Variants in SBF2 observed in about 807,000 individuals in gnomAD.
The protein encoded by SBF2 is myotubularin-related protein 13.
A neutral mutation model predicts 225.2 loss-of-function variants in SBF2; 112 were observed. The ratio of observed to expected loss-of-function variants is 0.50; its 90% CI spans 0.43 to 0.58. SBF2 has a LOEUF of 0.58. Ranked by LOEUF, SBF2 falls within the 20% of genes least tolerant of loss-of-function variation. The probability of loss-of-function intolerance (pLI) is 0.00; values close to 1 mark genes in which losing one functional copy is unlikely to be tolerated. For missense variants in SBF2, 1,996 were observed against 2,206.2 expected (o/e 0.90, Z 1.91); for synonymous variants, 763 against 773.3 (o/e 0.99, Z 0.22).
At chr11:10,151,081 G>A (rs187491144) in intron 2 of SBF2, among the ~76,000 whole-genome samples, 1 of 152,268 alleles carries the variant, frequency 6.6e-6, no homozygotes, top group Non-Finnish European at 1.5e-5. Flanking sequence ...TATTTCCCTT[G>A]GAGAACATGT....
At chr11:10,149,491 C>A in intron 2 of SBF2, 1 of 152,188 alleles carries the variant, frequency 6.6e-6, no homozygotes, top group African/African-American at 2.4e-5. Flanking sequence ...AATGAACACA[C>A]ACTACTAACA....
At chr11:10,175,074 C>G (rs2135263522) in intron 2 of SBF2, among the ~76,000 whole-genome samples, 1 of 151,872 alleles carries the variant, frequency 6.6e-6, no homozygotes, top group Admixed American at 6.6e-5. Flanking sequence ...AATGTAAAGA[C>G]CATCGAGACT....
intron 1 of SBF2, among the ~76,000 whole-genome samples, chr11:10,225,607 C>G (rs948111463): frequency 6.6e-6 from 1 of 152,060 alleles, no homozygotes; most frequent in African/African-American, 2.4e-5. Flanking sequence ...AGATGACACA[C>G]CATTTTCAAA....
rs919052775 is a variant in SBF2, at chr11:9,872,708, C to T, written c.1930-14312G>A. Among the ~76,000 whole-genome samples the T allele has an allele frequency of 2.6e-5, 4 of 151,962 alleles. No individual in the cohort carries two copies. The East Asian group carries it at 7.7e-4, about 29-fold the overall frequency. On this transcript the variant is annotated intron_variant, in intron 17 of 39. Transcript: ENST00000256190. ...CACTGCTGAAAAGAATATAAAATGG[C>T]AGTACTATGGAAAAAATGTATTTTT... is the stretch of plus-strand genomic sequence containing the variant.
chr11:10,147,913 A>G (rs1393667553), intron 2 of SBF2, among the ~76,000 whole-genome samples: 1 of 152,156 alleles, frequency 6.6e-6, no homozygotes, highest in African/African-American at 2.4e-5. Context: ...GTTACTTATA[A>G]ATGTTCTCAG....
At chr11:9,880,364 A>G (rs1222049887) in intron 17 of SBF2, among the ~76,000 whole-genome samples, 1 of 152,204 alleles carries the variant, frequency 6.6e-6, no homozygotes, top group Non-Finnish European at 1.5e-5. Context: ...GCTTCTTTTG[A>G]AAAGCCTAAA....
At position 9,846,230 on chromosome 11, in the gene SBF2, G is replaced by C. The variant is rs116165225; in HGVS notation, c.2935-490C>G. Among the ~76,000 whole-genome samples the C allele has an allele frequency of 3.0e-3, 457 of 152,320 alleles. 2 individuals are homozygous for C. Among genetic ancestry groups the C allele is most frequent in the African/African-American group, 0.011 (449 of 41,574 alleles). On this transcript the variant is annotated intron_variant, in intron 23 of 39. Coordinates refer to ENST00000256190, the MANE Select transcript of SBF2 (RefSeq NM_030962.4). ...CAGCCAATGCTTTCAGGTGATGAGA[G>C]AAGGTCTGGAGCCTAAAGATCAGCA...
chr11:9,889,889 CTATT>C (rs961403580), intron 17 of SBF2, among the ~76,000 whole-genome samples: 2 of 151,978 alleles, frequency 1.3e-5, no homozygotes, highest in African/African-American at 2.4e-5. Context: ...AATGTTCTAC[CTATT>C]TATTTATTTA....
chr11:9,928,991 T>C (rs1003891277), intron 16 of SBF2: 5 of 483,152 alleles, frequency 1.0e-5, no homozygotes, highest in Non-Finnish European at 2.0e-5. Flanking sequence ...ACATCAACAA[T>C]GCATTTGGCC....
intron 13 of SBF2, among the ~76,000 whole-genome samples, chr11:9,982,600 T>C (rs769323783): frequency 2.8e-4 from 42 of 152,288 alleles, no homozygotes; most frequent in South Asian, 8.3e-4. Context: ...CAGGACTAGA[T>C]TGCAGCTCCA....
At chr11:10,158,095 C>T (rs1955559463) in intron 2 of SBF2, among the ~76,000 whole-genome samples, 1 of 151,532 alleles carries the variant, frequency 6.6e-6, no homozygotes, top group Non-Finnish European at 1.5e-5. Flanking sequence ...ACCAATGTAT[C>T]GAAGAATAAA....
chr11:9,994,973 GT>G (rs1180830742), intron 9 of SBF2, among the ~76,000 whole-genome samples: 1 of 151,226 alleles, frequency 6.6e-6, no homozygotes, highest in East Asian at 2.0e-4. Context: ...GGAGGCAGAG[GT>G]TGCAGTGAGC....
chr11:9,988,441 AG>A (rs1336194092), intron 13 of SBF2, among the ~76,000 whole-genome samples: 1 of 152,204 alleles, frequency 6.6e-6, no homozygotes. Context: ...GCACAGCAAA[AG>A]GAACAGTCAG....
At chr11:9,960,269 T>G (rs1320782778) in intron 16 of SBF2, 4 of 152,290 alleles carry the variant, frequency 2.6e-5, no homozygotes, top group African/African-American at 9.6e-5. Context: ...GTAGTCAAAT[T>G]TATCAATCTT....
At chr11:10,050,699 T>C (rs1950028321) in intron 2 of SBF2, among the ~76,000 whole-genome samples, 3 of 148,808 alleles carry the variant, frequency 2.0e-5, no homozygotes, top group African/African-American at 4.9e-5. Context: ...TAGGCTACTA[T>C]TGACCTTCTG....
intron 1 of SBF2, among the ~76,000 whole-genome samples, chr11:10,286,877 T>A (rs577028627): frequency 6.6e-6 from 1 of 152,348 alleles, no homozygotes; most frequent in South Asian, 2.1e-4. Flanking sequence ...AAGACACTTA[T>A]GACCTAGCAA....
intron 2 of SBF2, among the ~76,000 whole-genome samples, chr11:10,170,537 G>T (rs1049682091): frequency 6.6e-6 from 1 of 152,022 alleles, no homozygotes; most frequent in Non-Finnish European, 1.5e-5. Flanking sequence ...TAGCTCTGTA[G>T]TTTAATTTGA....
At chr11:9,852,793 C>T in intron 20 of SBF2, 44 bp from the exon 21 acceptor site, 1 of 1,416,446 alleles carries the variant, frequency 7.1e-7, no homozygotes, top group East Asian at 2.3e-5. Flanking sequence ...CACAGACAAG[C>T]AGGATAAAAA....
chr11:9,961,879 T>A, intron 16 of SBF2, 78 bp downstream of exon 16: 1 of 1,375,112 alleles, frequency 7.3e-7, no homozygotes, highest in Non-Finnish European at 1.0e-6. Context: ...AACTGATATA[T>A]TGGTAATTAC....
Sources: gnomAD v4.1 joint callset for allele counts (sites outside exome capture counted in the v4.1 genomes callset) on GRCh38, gnomAD v4.1.1 for gene constraint, MANE v1.5 for transcripts, NCBI Gene and HGNC (gene_info 2026-07-23, HGNC 2026-07-21) for gene names.